Variants in ALK observed in about 807,000 individuals in gnomAD.
ALK encodes ALK tyrosine kinase receptor.
A neutral mutation model predicts 163.1 loss-of-function variants in ALK; 74 were observed. The ratio of observed to expected loss-of-function variants is 0.45; its 90% CI spans 0.38 to 0.55. ALK has a LOEUF of 0.55. Ranked by LOEUF, ALK falls within the 20% of genes least tolerant of loss-of-function variation. ALK has a pLI of 0.00. For synonymous variants in ALK, 960 were observed against 843.2 expected, an observed-to-expected ratio of 1.14 and a Z score of -2.40; for missense variants, 2,063 against 2,105.3, an observed-to-expected ratio of 0.98 and a Z score of 0.39.
At chr2:29,517,227 C>G (rs1388932454) in intron 4 of ALK, among the ~76,000 whole-genome samples, 2 of 152,058 alleles carry the variant, frequency 1.3e-5, no homozygotes, top group Non-Finnish European at 1.5e-5. Flanking sequence ...GAGAAGTGAC[C>G]CTCAGGAACG....
chr2:29,527,176 G>A (rs751107588), intron 4 of ALK, among the ~76,000 whole-genome samples: 4 of 152,232 alleles, frequency 2.6e-5, no homozygotes, highest in Non-Finnish European at 5.9e-5. Flanking sequence ...CAAATTAGCG[G>A]TGGAATCAGG....
intron 3 of ALK, among the ~76,000 whole-genome samples, chr2:29,538,165 T>G (rs1277290681): frequency 6.6e-6 from 1 of 152,134 alleles, no homozygotes; most frequent in Non-Finnish European, 1.5e-5. Context: ...ATAATCATAT[T>G]TTGAAATGTA....
rs77875900 is a variant in ALK, at chr2:29,875,596, C to A, written c.667+44397G>T. The stretch of plus-strand genomic sequence containing the variant: ...TCTCCCTCTCCTTGTCCCCTACCCC[C>A]GACAGGCCCCGGCGTGTGATGTTCC... On this transcript the variant is annotated intron_variant, in intron 1 of 28. Transcript: ENST00000389048. Among the ~76,000 whole-genome samples, 13 of 152,112 alleles carry A rather than the reference C, an allele frequency of 8.5e-5. 1 individual carries two copies. The East Asian group carries it at 2.5e-3, about 29-fold the overall frequency.
At chr2:29,900,093 C>G (rs919395600) in intron 1 of ALK, among the ~76,000 whole-genome samples, 2 of 152,254 alleles carry the variant, frequency 1.3e-5, no homozygotes, top group Non-Finnish European at 2.9e-5. Flanking sequence ...GACCTGAGAG[C>G]ATTTTAAGGG....
intron 1 of ALK, among the ~76,000 whole-genome samples, chr2:29,829,970 G>T (rs1370037767): frequency 6.6e-6 from 1 of 152,204 alleles, no homozygotes; most frequent in Non-Finnish European, 1.5e-5. Flanking sequence ...GCCATAATTT[G>T]CTGTCTCTCT....
chr2:29,614,442 T>G (rs60542056), intron 3 of ALK, among the ~76,000 whole-genome samples: 6 of 152,358 alleles, frequency 3.9e-5, no homozygotes, highest in African/African-American at 1.4e-4. Flanking sequence ...TTCCAGCCCC[T>G]GCCCTCCCAG....
chr2:29,508,669 A>T (rs1381563855), intron 4 of ALK, among the ~76,000 whole-genome samples: 1 of 143,258 alleles, frequency 7.0e-6, no homozygotes, highest in Non-Finnish European at 1.5e-5. Context: ...CATGTTGTGC[A>T]CATGTACCCT....
chr2:29,466,464 T>C (rs561736316), intron 4 of ALK, among the ~76,000 whole-genome samples: 3 of 152,352 alleles, frequency 2.0e-5, no homozygotes, highest in South Asian at 4.1e-4. Flanking sequence ...ATATGGGTGC[T>C]ATCACATGGA....
chr2:29,260,219 G>GT (rs1665051022), intron 11 of ALK, among the ~76,000 whole-genome samples: 1 of 81,468 alleles, frequency 1.2e-5, no homozygotes, highest in Admixed American at 1.4e-4. Flanking sequence ...CCACATTTCT[G>GT]TTTTTCTTAC....
intron 4 of ALK, among the ~76,000 whole-genome samples, chr2:29,423,385 A>T (rs896862315): frequency 2.6e-5 from 4 of 152,206 alleles, no homozygotes; most frequent in Non-Finnish European, 5.9e-5. Context: ...CCTGGCCAAC[A>T]ATGTGGGCCC....
intron 26 of ALK, among the ~76,000 whole-genome samples, chr2:29,206,199 CCTTT>C (rs1236013552): frequency 6.6e-6 from 1 of 151,818 alleles, no homozygotes; most frequent in Non-Finnish European, 1.5e-5. Context: ...TCCCTCCCTC[CCTTT>C]CTTCTCTCTC....
intron 11 of ALK, among the ~76,000 whole-genome samples, chr2:29,268,896 T>C (rs1368821957): frequency 1.3e-5 from 2 of 152,154 alleles, no homozygotes; most frequent in Admixed American, 1.3e-4. Flanking sequence ...CTCAGGTAGC[T>C]CCGTATGTGT....
chr2:29,678,885 G>T (rs1431991605), intron 3 of ALK, among the ~76,000 whole-genome samples: 2 of 151,654 alleles, frequency 1.3e-5, no homozygotes, highest in South Asian at 4.1e-4. Context: ...GTGTTTATTT[G>T]TCAGTTAGGT....
chr2:29,318,247 G>A (rs1370531559), intron 8 of ALK, 57 bp downstream of exon 8: 17 of 1,448,414 alleles, frequency 1.2e-5, no homozygotes, highest in Middle Eastern at 1.7e-4. Flanking sequence ...TCTGGGTTCC[G>A]GAAGTGACAA....
intron 4 of ALK, among the ~76,000 whole-genome samples, chr2:29,418,823 G>C (rs1669945080): frequency 6.8e-6 from 1 of 147,018 alleles, no homozygotes; most frequent in South Asian, 2.1e-4. Flanking sequence ...GGAAAATAGA[G>C]ATAAAGGCTA....
intron 1 of ALK, among the ~76,000 whole-genome samples, chr2:29,731,502 T>C (rs1231537690): frequency 1.3e-5 from 2 of 152,206 alleles, no homozygotes; most frequent in African/African-American, 4.8e-5. Context: ...TCCCAAGACT[T>C]CCTGGGTCTT....
At chr2:29,752,296 T>C (rs1680387826) in intron 1 of ALK, among the ~76,000 whole-genome samples, 2 of 152,098 alleles carry the variant, frequency 1.3e-5, no homozygotes. Flanking sequence ...GGCTATGATG[T>C]TTGGTAGCTT....
chr2:29,894,100 C>T (rs1667211300), intron 1 of ALK, among the ~76,000 whole-genome samples: 1 of 152,158 alleles, frequency 6.6e-6, no homozygotes, highest in Non-Finnish European at 1.5e-5. Flanking sequence ...AAAGGGGTGT[C>T]AAGGACCCAA....
chr2:29,386,414 T>C (rs1669032506), intron 4 of ALK, among the ~76,000 whole-genome samples: 1 of 152,186 alleles, frequency 6.6e-6, no homozygotes, highest in Admixed American at 6.5e-5. Flanking sequence ...TAGCAATATT[T>C]GAGAAGAACA....
Sources: allele counts gnomAD v4.1 joint callset (sites outside exome capture counted in the v4.1 genomes callset), GRCh38; gene constraint gnomAD v4.1.1; transcripts MANE v1.5; gene names NCBI Gene and HGNC (gene_info 2026-07-23, HGNC 2026-07-21).